Variants in B3GALT1 observed in about 807,000 individuals in gnomAD.
B3GALT1 encodes beta-1,3-galactosyltransferase 1, also known as UDP-Gal:betaGlcNAc beta 1,3-galactosyltransferase, polypeptide 1.
B3GALT1 carries 10 observed loss-of-function variants against 23.2 expected under a neutral mutation model. The ratio of observed to expected loss-of-function variants is 0.43; its 90% CI spans 0.27 to 0.73. The LOEUF is 0.73. Ranked by LOEUF, B3GALT1 falls within the 30% of genes least tolerant of loss-of-function variation. The pLI is 0.21. For missense variants in B3GALT1, 299 were observed against 405.4 expected, an observed-to-expected ratio of 0.74 and a Z score of 2.25; for synonymous variants, 156 against 141.5, an observed-to-expected ratio of 1.10 and a Z score of -0.73.
chr2:167,543,321 C>T lies in B3GALT1; in HGVS notation c.-410+53044C>T, dbSNP rs535297053. Among the ~76,000 whole-genome samples the T allele has an allele frequency of 4.6e-5, 7 of 151,968 alleles. No individual in the cohort carries two copies. In the South Asian group the frequency reaches 1.5e-3, roughly 32 times the overall value. On this transcript the variant is annotated intron_variant, in intron 2 of 4. Transcript: ENST00000392690. ...GAGCAAAGATTATATAGATGCTTTC[C>T]AGCAGCTGAGATAAAATTAATAAAC...
chr2:167,469,446 A>G (rs1699393932), intron 1 of B3GALT1, among the ~76,000 whole-genome samples: 1 of 152,216 alleles, frequency 6.6e-6, no homozygotes, highest in South Asian at 2.1e-4. Flanking sequence ...TTGGACTATG[A>G]AATTTTGAAA....
intron 3 of B3GALT1, among the ~76,000 whole-genome samples, chr2:167,687,768 C>T (rs1021819245): frequency 3.9e-5 from 6 of 152,042 alleles, no homozygotes; most frequent in South Asian, 2.1e-4. Flanking sequence ...TTAGAACACA[C>T]AATTTTTGAC....
intron 3 of B3GALT1, among the ~76,000 whole-genome samples, chr2:167,663,900 A>G (rs1686121811): frequency 6.6e-6 from 1 of 151,356 alleles, no homozygotes; most frequent in Admixed American, 6.6e-5. Flanking sequence ...ATTTTCTCCC[A>G]TTTTGTGGGT....
intron 1 of B3GALT1, among the ~76,000 whole-genome samples, chr2:167,358,572 TA>T (rs1697452778): frequency 6.6e-6 from 1 of 152,180 alleles, no homozygotes; most frequent in Non-Finnish European, 1.5e-5. Context: ...TAATAATGAC[TA>T]TTTCAAACAG....
At chr2:167,654,110 C>G (rs754664391) in intron 3 of B3GALT1, among the ~76,000 whole-genome samples, 2 of 152,100 alleles carry the variant, frequency 1.3e-5, no homozygotes, top group Non-Finnish European at 2.9e-5. Context: ...CAGGCTTCAG[C>G]GCTTATTACA....
At chr2:167,700,637 A>T (rs1358461031) in intron 3 of B3GALT1, among the ~76,000 whole-genome samples, 2 of 152,228 alleles carry the variant, frequency 1.3e-5, no homozygotes, top group African/African-American at 4.8e-5. Context: ...CTATATCTCA[A>T]ATAGTTTCAG....
At chr2:167,360,046 T>C (rs900322585) in intron 1 of B3GALT1, among the ~76,000 whole-genome samples, 1 of 152,186 alleles carries the variant, frequency 6.6e-6, no homozygotes, top group African/African-American at 2.4e-5. Context: ...TTTTAGATAA[T>C]AGAAAATCAT....
At chr2:167,863,162 TTCTC>T (rs201834823) in intron 4 of B3GALT1, among the ~76,000 whole-genome samples, 8 of 151,310 alleles carry the variant, frequency 5.3e-5, no homozygotes, top group African/African-American at 1.9e-4. Context: ...TTTTGTGGTA[TTCTC>T]TCTTTTTTTT....
chr2:167,411,391 A>G (rs1263576102), intron 1 of B3GALT1, among the ~76,000 whole-genome samples: 1 of 151,846 alleles, frequency 6.6e-6, no homozygotes, highest in Non-Finnish European at 1.5e-5. Context: ...AAAAAAAAAA[A>G]AAAAAAAACC....
At chr2:167,396,586 G>T (rs1429345909) in intron 1 of B3GALT1, among the ~76,000 whole-genome samples, 4 of 149,584 alleles carry the variant, frequency 2.7e-5, no homozygotes, top group African/African-American at 9.8e-5. Flanking sequence ...ACATTTGGAT[G>T]GAAAGGTTTA....
chr2:167,560,451 A>G (rs1308611203), intron 2 of B3GALT1, among the ~76,000 whole-genome samples: 1 of 152,208 alleles, frequency 6.6e-6, no homozygotes, highest in Non-Finnish European at 1.5e-5. Context: ...ATTCACACAT[A>G]ACAATATTAA....
chr2:167,710,546 T>G (rs1687031981), intron 3 of B3GALT1, among the ~76,000 whole-genome samples: 1 of 152,172 alleles, frequency 6.6e-6, no homozygotes, highest in Non-Finnish European at 1.5e-5. Flanking sequence ...CTCAAAGCAT[T>G]GTCTGCAGGT....
intron 1 of B3GALT1, among the ~76,000 whole-genome samples, chr2:167,456,464 C>A (rs1310898013): frequency 1.3e-5 from 2 of 152,128 alleles, no homozygotes; most frequent in East Asian, 3.9e-4. Flanking sequence ...ACATACCATA[C>A]ATATAAATCA....
At chr2:167,322,285 A>C (rs1210044829) in intron 1 of B3GALT1, among the ~76,000 whole-genome samples, 1 of 151,828 alleles carries the variant, frequency 6.6e-6, no homozygotes, top group East Asian at 1.9e-4. Flanking sequence ...AAATATATTT[A>C]ATAGTTGAGT....
At chr2:167,300,746 G>A (rs1156875944) in intron 1 of B3GALT1, among the ~76,000 whole-genome samples, 1 of 152,100 alleles carries the variant, frequency 6.6e-6, no homozygotes, top group Non-Finnish European at 1.5e-5. Flanking sequence ...ACCTCACACT[G>A]CATTCTAAAA....
intron 2 of B3GALT1, among the ~76,000 whole-genome samples, chr2:167,498,983 G>C (rs1699812494): frequency 6.6e-6 from 1 of 152,086 alleles, no homozygotes; most frequent in African/African-American, 2.4e-5. Context: ...CAGCCTGCTT[G>C]GTCTGTATGT....
intron 1 of B3GALT1, among the ~76,000 whole-genome samples, chr2:167,325,702 CTTTTTTT>C (rs61066636): frequency 1.2e-4 from 13 of 110,574 alleles, no homozygotes; most frequent in South Asian, 8.4e-4. Flanking sequence ...ACCCTGTTTT[CTTTTTTT>C]TTTTTTTTTT....
chr2:167,364,207 T>A (rs1391170438), intron 1 of B3GALT1, among the ~76,000 whole-genome samples: 1 of 150,064 alleles, frequency 6.7e-6, no homozygotes, highest in Non-Finnish European at 1.5e-5. Flanking sequence ...AAAACTCCAC[T>A]TTCAGCACCT....
chr2:167,440,207 G>C (rs2105312338), intron 1 of B3GALT1, among the ~76,000 whole-genome samples: 1 of 151,936 alleles, frequency 6.6e-6, no homozygotes, highest in Non-Finnish European at 1.5e-5. Flanking sequence ...GCCAGGCGTG[G>C]TGGCGGGCGC....
Sources: allele counts gnomAD v4.1 joint callset (sites outside exome capture counted in the v4.1 genomes callset), GRCh38; gene constraint gnomAD v4.1.1; transcripts MANE v1.5; gene names NCBI Gene and HGNC (gene_info 2026-07-23, HGNC 2026-07-21).